UBR2: variants seen among roughly 807,000 people sequenced by gnomAD.
UBR2 encodes E3 ubiquitin-protein ligase UBR2.
In UBR2, 92 loss-of-function variants were observed where a neutral mutation model predicts 247.9. The ratio of observed to expected loss-of-function variants is 0.37; its 90% CI spans 0.31 to 0.44. The LOEUF (loss-of-function observed/expected upper bound fraction) is 0.44, where lower values mean the gene tolerates loss of function less well. Among genes scored for constraint, UBR2 ranks in the 20% least tolerant of loss-of-function variants. The pLI, the probability that UBR2 is intolerant of heterozygous loss-of-function variation, is 1.00. For synonymous variants in UBR2, 672 were observed against 693.5 expected (o/e 0.97, Z 0.49); for missense variants, 1,613 against 2,112.6 (o/e 0.76, Z 4.64).
intron 4 of UBR2, among the ~76,000 whole-genome samples, chr6:42,602,693 ATATAT>A (rs1001042609): frequency 3.1e-4 from 46 of 148,668 alleles, no homozygotes; most frequent in Middle Eastern, 3.6e-3. Context: ...AAATGTAATT[ATATAT>A]TATAAGAATA....
chr6:42,679,355 G>A (rs1445408606), intron 41 of UBR2, among the ~76,000 whole-genome samples: 3 of 152,220 alleles, frequency 2.0e-5, no homozygotes, highest in African/African-American at 7.2e-5. Flanking sequence ...TCTGTGTCTC[G>A]TGGTAAAACC....
chr6:42,670,136 G>A lies in UBR2; in HGVS notation c.3926G>A (p.Gly1309Glu). 6.2e-7 allele frequency: 1 copy of A among 1,614,120 alleles called. No individual in the cohort carries two copies. The highest frequency in any genetic ancestry group is 8.5e-7 in the Non-Finnish European group (1 of 1,180,020). The change falls in exon 35 of 47, where the codon GGA becomes GAA. Residue 1309 changes from glycine to glutamate, a missense_variant. Physicochemically the swap from Gly to Glu is moderately conservative, Grantham distance 98 (BLOSUM62 -2). Around this residue, in one of 3 missense-constraint regions of UBR2, gnomAD observed 1,524 missense variants for 1,967.3 expected, o/e 0.77. Transcript: ENST00000372901. ...ESIKEMLTTFGTATYKVGLKV... is the reference protein window; with the variant it reads ...ESIKEMLTTFETATYKVGLKV... ...ATAAAAGAAATGCTAACGACATTTG[G>A]AACTGCTACCTACAAGGTGGGACTA...
rs192485416 is a variant in UBR2, at chr6:42,574,134, A to G, written c.338+141A>G. 5.4e-4 allele frequency: 464 copies of G among 862,300 alleles called. 1 individual carries two copies. The African/African-American group carries it at 7.3e-3, about 14-fold the overall frequency. The allele number at this position is 862,300 out of a possible 1,614,324, so 53.4% of individuals were successfully genotyped here. On this transcript the variant is annotated intron_variant, in intron 2 of 46. Transcript: ENST00000372901. Reference sequence around the variant, plus strand: ...CTGTATTACAAATACATGCTATTTAATAAATAATTAAAGCAAACATTTTTG... The same window carrying G: ...CTGTATTACAAATACATGCTATTTAGTAAATAATTAAAGCAAACATTTTTG...
chr6:42,636,530 A>G (rs1402961015), intron 14 of UBR2, among the ~76,000 whole-genome samples: 1 of 152,084 alleles, frequency 6.6e-6, no homozygotes, highest in Non-Finnish European at 1.5e-5. Context: ...CCATCTCTCT[A>G]TTAAATTCCC....
chr6:42,684,908 C>T (rs1257653783), intron 44 of UBR2, 37 bp downstream of exon 44: 4 of 1,510,242 alleles, frequency 2.6e-6, no homozygotes, highest in Non-Finnish European at 3.7e-6. Context: ...TTCCCTGCCA[C>T]TGGAAACACC....
intron 2 of UBR2, among the ~76,000 whole-genome samples, chr6:42,579,511 G>A (rs1791739548): frequency 6.6e-6 from 1 of 152,156 alleles, no homozygotes; most frequent in Non-Finnish European, 1.5e-5. Context: ...TGTTGTGTTA[G>A]TTTTAAAACC....
chr6:42,616,169 T>C (rs1380733856), intron 10 of UBR2, 79 bp downstream of exon 10: 1 of 858,308 alleles, frequency 1.2e-6, no homozygotes, highest in East Asian at 2.7e-5. Context: ...TTCAAAAAAT[T>C]AACATCTAAT....
chr6:42,603,501 C>A, intron 4 of UBR2, 87 bp from the exon 5 acceptor site: 1 of 1,305,582 alleles, frequency 7.7e-7, no homozygotes. Context: ...TTTTACTATA[C>A]TATTTTGAGG....
At chr6:42,678,720 C>G in intron 41 of UBR2, 51 bp downstream of exon 41, 2 of 1,554,672 alleles carry the variant, frequency 1.3e-6, no homozygotes, top group South Asian at 1.2e-5. Context: ...ATCCTTTACT[C>G]CAGCAAATAT....
intron 11 of UBR2, among the ~76,000 whole-genome samples, chr6:42,623,793 T>A (rs776120340): frequency 5.3e-5 from 8 of 152,196 alleles, no homozygotes; most frequent in African/African-American, 9.7e-5. Context: ...TTAATTTTCA[T>A]GAATTTCAGG....
At chr6:42,676,019 A>C in intron 38 of UBR2, 37 bp from the exon 39 acceptor site, 1 of 1,551,360 alleles carries the variant, frequency 6.4e-7, no homozygotes, top group South Asian at 1.2e-5. Flanking sequence ...TGTGAAAGGA[A>C]AGGCGATCTG....
At chr6:42,610,894 G>T (rs1255368899) in intron 7 of UBR2, among the ~76,000 whole-genome samples, 1 of 149,108 alleles carries the variant, frequency 6.7e-6, no homozygotes, top group African/African-American at 2.5e-5. Flanking sequence ...TGCTCAGGTT[G>T]GAGTGCAATG....
chr6:42,593,866 G>GC (rs1420734015), intron 3 of UBR2, among the ~76,000 whole-genome samples: 53 of 152,128 alleles, frequency 3.5e-4, no homozygotes, highest in African/African-American at 1.3e-3. Context: ...ACAACCTGTA[G>GC]CGTAGATATC....
intron 3 of UBR2, among the ~76,000 whole-genome samples, chr6:42,592,937 G>A (rs1792759707): frequency 6.6e-6 from 1 of 152,122 alleles, no homozygotes; most frequent in South Asian, 2.1e-4. Flanking sequence ...CACTTTGGGA[G>A]GCCAAGGCAG....
Position 42,635,507 on chromosome 6 carries a change from A to G in UBR2, c.1635A>G (p.Thr545=), listed in dbSNP as rs753166482. The G allele has an allele frequency of 1.2e-5, 20 of 1,613,588 alleles. No homozygotes were observed. Among genetic ancestry groups the G allele is most frequent in the Non-Finnish European group, 1.6e-5 (19 of 1,179,584 alleles). ...EAAFTLQMKL[T]HVISMMQDWC... ...CCTTCACACTACAAATGAAATTAAC[A>G]CATGTCATTTCAATGATGCAGGACT... The change falls in exon 14 of 47, where the codon ACA becomes ACG. Residue 545 remains threonine (T), a synonymous_variant. Coordinates refer to ENST00000372901, the MANE Select transcript of UBR2 (RefSeq NM_001363705.2).
Position 42,692,912 on chromosome 6 carries a change from T to C in UBR2, c.*1739T>C, listed in dbSNP as rs11551262. 601 of 152,318 alleles carry C rather than the reference T, an allele frequency of 3.9e-3. 2 individuals are homozygous for C. The highest frequency in any genetic ancestry group is 4.5e-3 in the Non-Finnish European group (304 of 68,026). 9.4% of individuals were successfully genotyped at this position (152,318 alleles called of 1,614,324 possible). A position where few individuals can be genotyped will look rare whatever the true frequency, so the allele number is the denominator to read the frequency against. On this transcript the variant is annotated 3_prime_UTR_variant, in exon 47 of 47. Transcript: ENST00000372901. ...TTTGAGTCCACCTCTCTCCCCCTTT[T>C]TCTGGCCTTCATTCATAAGATCTGG...
chr6:42,614,375 T>TATATATGTATGTACTTACATACATAC (rs70990112), intron 8 of UBR2, among the ~76,000 whole-genome samples: 1 of 69,750 alleles, frequency 1.4e-5, no homozygotes, highest in Admixed American at 1.4e-4. Flanking sequence ...TGTGTATGTG[T>TATATATGTATGTACTTACATACATAC]GTATATATGT....
intron 1 of UBR2, among the ~76,000 whole-genome samples, chr6:42,568,455 C>T (rs1403864037): frequency 6.6e-6 from 1 of 152,106 alleles, no homozygotes; most frequent in Non-Finnish European, 1.5e-5. Context: ...TTGGGCCAGG[C>T]GCGGTGGCTC....
chr6:42,609,887 C>A (rs1443818477), intron 7 of UBR2, among the ~76,000 whole-genome samples: 5 of 148,360 alleles, frequency 3.4e-5, no homozygotes, highest in African/African-American at 1.0e-4. Flanking sequence ...CAGAGTGAAA[C>A]CCTGTTACAA....
Sources: gnomAD v4.1 joint callset for allele counts (sites outside exome capture counted in the v4.1 genomes callset) on GRCh38, gnomAD v4.1.1 for gene constraint, gnomAD v4.1.1 regional missense constraint, MANE v1.5 for transcripts, NCBI Gene and HGNC (gene_info 2026-07-23, HGNC 2026-07-21) for gene names.